The following FAM184A variants were observed in gnomAD, a reference collection of about 807,000 sequenced individuals.
FAM184A encodes protein FAM184A.
A neutral mutation model predicts 143.8 loss-of-function variants in FAM184A; 99 were observed. The observed-to-expected ratio is 0.69, with a 90% CI of 0.58 to 0.81. The LOEUF is 0.81. FAM184A is among the 40% of genes least tolerant of loss of function. The pLI, the probability that FAM184A is intolerant of heterozygous loss-of-function variation, is 0.00. For synonymous variants in FAM184A, 427 were observed against 446.4 expected (o/e 0.96, Z 0.55); for missense variants, 1,217 against 1,310.5 (o/e 0.93, Z 1.10).
At chr6:119,007,941 G>GAA (rs556042292) in intron 6 of FAM184A, among the ~76,000 whole-genome samples, 3 of 122,028 alleles carry the variant, frequency 2.5e-5, no homozygotes, top group African/African-American at 6.0e-5. Context: ...TCTGCCTCAA[G>GAA]AAAAAAAAAA....
chr6:119,042,949 A>C (rs1365778204), intron 1 of FAM184A, among the ~76,000 whole-genome samples: 1 of 152,168 alleles, frequency 6.6e-6, no homozygotes, highest in Non-Finnish European at 1.5e-5. Flanking sequence ...CATCCTGAAC[A>C]ATGTGTCCCG....
chr6:119,047,592 C>A (rs1300109736), intron 1 of FAM184A, among the ~76,000 whole-genome samples: 1 of 152,174 alleles, frequency 6.6e-6, no homozygotes, highest in African/African-American at 2.4e-5. Context: ...GAAACTACTA[C>A]GAACACCTCT....
intron 17 of FAM184A, among the ~76,000 whole-genome samples, chr6:118,961,532 A>G (rs1468683207): frequency 6.6e-6 from 1 of 152,046 alleles, no homozygotes; most frequent in East Asian, 1.9e-4. Context: ...AATTACATTA[A>G]CACCTCTTCA....
intron 6 of FAM184A, among the ~76,000 whole-genome samples, chr6:119,007,505 GT>G (rs1784959075): frequency 6.6e-6 from 1 of 152,054 alleles, no homozygotes; most frequent in African/African-American, 2.4e-5. Flanking sequence ...TATCTTGGTG[GT>G]GTCTCTAAAG....
chr6:118,990,118 G>A (rs1167154676), intron 9 of FAM184A, among the ~76,000 whole-genome samples: 4 of 152,128 alleles, frequency 2.6e-5, no homozygotes, highest in Non-Finnish European at 4.4e-5. Flanking sequence ...GAGCCACAGC[G>A]CCCAGCCAAC....
rs376729872 is a variant in FAM184A at position 119,023,080 on chromosome 6, C to T, written c.1015G>A (p.Val339Ile). 9 of 1,613,664 alleles carry T rather than the reference C, an allele frequency of 5.6e-6. No homozygotes were observed. The highest frequency in any genetic ancestry group is 4.0e-5 in the African/African-American group (3 of 74,852). Residue 339 changes from valine to isoleucine, a missense_variant and splice_region_variant, in exon 3 of 18, where the codon GTT (valine) becomes ATT (isoleucine). By Grantham distance (29) the Val-to-Ile change is conservative. Coordinates refer to ENST00000338891, the MANE Select transcript of FAM184A (RefSeq NM_024581.6). ...GCATCATCAAGCTGTTTTTGAAGAA[C>T]CTAAGAAAGATTAAATAGCCATTGT... ...ALAIAENNVQVLQKQLDDAKE... is the reference protein window; with the variant it reads ...ALAIAENNVQILQKQLDDAKE...
At chr6:119,006,269 A>G (rs2114647626) in intron 7 of FAM184A, 178 bp downstream of exon 7, 1 of 747,940 alleles carries the variant, frequency 1.3e-6, no homozygotes, top group South Asian at 1.5e-5. Flanking sequence ...CTCCAGAGCT[A>G]TGAGAGAATA....
At position 119,006,538 on chromosome 6, in the gene FAM184A, C is replaced by CT; in HGVS notation, c.1723dup (p.Ser575LysfsTer12). 6.2e-7 allele frequency: 1 copy of CT among 1,614,030 alleles called. No individual in the cohort carries two copies. The highest frequency in any genetic ancestry group is 8.5e-7 in the Non-Finnish European group (1 of 1,179,942). ...AAGCCTTTCCTGGGAGTCCTGAAGACTAGCAATAAGTCCTTCTGCAGAGCC... is the reference window on the plus strand; with the variant it reads ...AAGCCTTTCCTGGGAGTCCTGAAGACTTAGCAATAAGTCCTTCTGCAGAGCC... On this transcript the variant is annotated frameshift_variant, in exon 7 of 18. Transcript: ENST00000338891. LOFTEE classifies it high-confidence loss of function.
chr6:119,003,640 T>G lies in FAM184A; in HGVS notation c.1816-18A>C, dbSNP rs1483813034. ...AGCTCACCCTGAAGAATAAAAACTT[T>G]TCAATGAAGACTAAACTTCAAAAAC... On this transcript the variant is annotated intron_variant, in intron 7 of 17. Coordinates refer to ENST00000338891, the MANE Select transcript of FAM184A (RefSeq NM_024581.6). 1 of 1,588,466 alleles carries G rather than the reference T, an allele frequency of 6.3e-7. No homozygotes were observed. The highest frequency in any genetic ancestry group is 8.6e-7 in the Non-Finnish European group (1 of 1,169,536).
Position 119,078,153 on chromosome 6 carries a change from G to A in FAM184A, c.147C>T (p.Ala49=), listed in dbSNP as rs764592973. Residue 49 remains alanine (A), a synonymous_variant, in exon 1 of 18, where the codon GCC becomes GCT. Transcript: ENST00000338891. This position sits in a 1 kb window ranked among gnomAD's most constrained non-coding sequence, Gnocchi z 5.5. ...CTGCCCCCCTTACCTTGGTGAGCTGGGCGATTTTCTTGCTCATTTTCAGGT... is the reference window on the plus strand; with the variant it reads ...CTGCCCCCCTTACCTTGGTGAGCTGAGCGATTTTCTTGCTCATTTTCAGGT... ...EMHLKMSKKI[A]QLTKVIYALN... is the part of the protein sequence containing the mutation. 4.4e-6 allele frequency: 7 copies of A among 1,590,970 alleles called. No homozygotes were observed. The highest frequency in any genetic ancestry group is 5.1e-6 in the Non-Finnish European group (6 of 1,170,672).
intron 1 of FAM184A, among the ~76,000 whole-genome samples, chr6:119,100,486 T>G (rs1009814605): frequency 1.3e-5 from 2 of 152,166 alleles, no homozygotes; most frequent in African/African-American, 4.8e-5. Context: ...GGCAGAGGGA[T>G]GCTTAAGGTG....
intron 9 of FAM184A, among the ~76,000 whole-genome samples, chr6:119,000,985 GTAGAGGGGCTT>G (rs1215834519): frequency 6.6e-6 from 1 of 151,146 alleles, no homozygotes; most frequent in Non-Finnish European, 1.5e-5. Context: ...GTAGAAGGTG[GTAGAGGGGCTT>G]TAGAGCACAG....
rs746072463 is a variant in FAM184A at position 119,078,131 on chromosome 6, C to A, written c.159+10G>T. 3 of 1,579,926 alleles carry A rather than the reference C, an allele frequency of 1.9e-6. No homozygotes were observed. The highest frequency in any genetic ancestry group is 4.7e-5 in the East Asian group (2 of 42,836). ...GGGGTCGCCACCTGCCCCGTCGCTGCCCCCCTTACCTTGGTGAGCTGGGCG... is the reference window on the plus strand; with the variant it reads ...GGGGTCGCCACCTGCCCCGTCGCTGACCCCCTTACCTTGGTGAGCTGGGCG... On this transcript the variant is annotated intron_variant, in intron 1 of 17. Coordinates refer to ENST00000338891, the MANE Select transcript of FAM184A (RefSeq NM_024581.6). This position sits in a 1 kb window ranked among gnomAD's most constrained non-coding sequence, Gnocchi z 5.5.
intron 1 of FAM184A, among the ~76,000 whole-genome samples, chr6:119,135,169 T>A (rs972390256): frequency 7.9e-5 from 12 of 152,182 alleles, no homozygotes; most frequent in African/African-American, 2.9e-4. Flanking sequence ...ACGAATGAAC[T>A]ACAGGTACAT....
At chr6:119,091,159 T>C (rs761387791) in intron 1 of FAM184A, among the ~76,000 whole-genome samples, 8 of 152,194 alleles carry the variant, frequency 5.3e-5, no homozygotes, top group African/African-American at 7.2e-5. Context: ...TTGATACAAG[T>C]CATTTTTCTC....
chr6:119,059,021 G>A (rs1429008983), intron 1 of FAM184A, among the ~76,000 whole-genome samples: 1 of 151,660 alleles, frequency 6.6e-6, no homozygotes, highest in Non-Finnish European at 1.5e-5. Flanking sequence ...TCTGCTAACA[G>A]GGCCTTGCTC....
chr6:118,962,846 T>C (rs1316230320), intron 16 of FAM184A: 1 of 152,136 alleles, frequency 6.6e-6, no homozygotes, highest in African/African-American at 2.4e-5. Flanking sequence ...AACATGTTAC[T>C]AGATATTTAG....
Position 119,020,058 on chromosome 6 carries a change from C to CA in FAM184A, c.1251dup (p.Glu418Ter). ...CTTCGCAAAAAAGCTCTTTCCTCTT[C>CA]AAGTTGAGATAATCTCTCATTGACT... is the stretch of plus-strand genomic sequence containing the variant. On this transcript the variant is annotated frameshift_variant, in exon 4 of 18. Transcript: ENST00000338891. LOFTEE classifies it high-confidence loss of function. The CA allele has an allele frequency of 1.2e-6, 2 of 1,608,350 alleles. No homozygotes were observed. Among genetic ancestry groups the CA allele is most frequent in the South Asian group, 2.2e-5 (2 of 89,572 alleles).
intron 1 of FAM184A, among the ~76,000 whole-genome samples, chr6:119,064,502 A>G (rs1001493842): frequency 2.0e-5 from 3 of 152,176 alleles, no homozygotes; most frequent in African/African-American, 7.2e-5. Flanking sequence ...GAAGTTTGAG[A>G]TCAGCCTGGC....
Sources: allele counts gnomAD v4.1 joint callset (sites outside exome capture counted in the v4.1 genomes callset), GRCh38; gene constraint gnomAD v4.1.1; non-coding constraint Gnocchi (gnomAD v3.1); transcripts MANE v1.5; gene names NCBI Gene and HGNC (gene_info 2026-07-23, HGNC 2026-07-21).